The following CSMD1 variants were observed in gnomAD, a reference collection of about 807,000 sequenced individuals.
CSMD1 encodes CUB and Sushi multiple domains 1, also known as CUB and sushi domain-containing protein 1.
In CSMD1, 213 loss-of-function variants were observed where a neutral mutation model predicts 417.5. The observed-to-expected ratio is 0.51, with a 90% CI of 0.46 to 0.57. CSMD1 has a LOEUF of 0.57. Among genes scored for constraint, CSMD1 ranks in the 20% least tolerant of loss-of-function variants. The pLI is 0.00. For missense variants in CSMD1, 6,923 were observed against 4,529.7 expected, an observed-to-expected ratio of 1.53 and a Z score of -15.17; for synonymous variants, 2,862 against 1,736.8, an observed-to-expected ratio of 1.65 and a Z score of -16.11.
intron 3 of CSMD1, among the ~76,000 whole-genome samples, chr8:4,349,275 CA>C (rs1234247588): frequency 2.6e-5 from 4 of 152,128 alleles, no homozygotes; most frequent in African/African-American, 9.7e-5. Context: ...TTTTCAAAAA[CA>C]ATTTTTGCAG....
At chr8:4,392,704 T>A (rs992696253) in intron 3 of CSMD1, among the ~76,000 whole-genome samples, 2 of 151,834 alleles carry the variant, frequency 1.3e-5, no homozygotes, top group Admixed American at 6.6e-5. Context: ...GCACAGTGGC[T>A]GACACCTGTA....
intron 6 of CSMD1, among the ~76,000 whole-genome samples, chr8:3,719,858 G>A (rs566433735): frequency 2.8e-4 from 43 of 152,272 alleles, no homozygotes; most frequent in Non-Finnish European, 2.9e-5. Context: ...TTAGTTGTAA[G>A]AAAGACTTAA....
intron 11 of CSMD1, among the ~76,000 whole-genome samples, chr8:3,492,069 G>C (rs1369314566): frequency 6.6e-6 from 1 of 152,216 alleles, no homozygotes; most frequent in Non-Finnish European, 1.5e-5. Flanking sequence ...GAACTTGTGA[G>C]TCATTCAACA....
At chr8:4,759,127 G>A (rs1223983421) in intron 1 of CSMD1, among the ~76,000 whole-genome samples, 2 of 152,282 alleles carry the variant, frequency 1.3e-5, no homozygotes, top group East Asian at 3.9e-4. Flanking sequence ...TGAGGGAGAA[G>A]GTGAACTTTG....
At chr8:3,969,201 G>C (rs906212672) in intron 5 of CSMD1, among the ~76,000 whole-genome samples, 3 of 152,156 alleles carry the variant, frequency 2.0e-5, no homozygotes, top group South Asian at 2.1e-4. Context: ...AGTGAGCCTA[G>C]ATCGTGACAC....
At chr8:4,054,357 G>A (rs1265502529) in intron 3 of CSMD1, among the ~76,000 whole-genome samples, 1 of 152,114 alleles carries the variant, frequency 6.6e-6, no homozygotes, top group Non-Finnish European at 1.5e-5. Flanking sequence ...ATCTATCTCT[G>A]TTGCCTTCAT....
chr8:3,688,570 G>A (rs1289590633), intron 7 of CSMD1, among the ~76,000 whole-genome samples: 1 of 152,216 alleles, frequency 6.6e-6, no homozygotes, highest in East Asian at 1.9e-4. Flanking sequence ...ATAAATGTTA[G>A]CAATGCTCAT....
intron 3 of CSMD1, among the ~76,000 whole-genome samples, chr8:4,201,831 T>C (rs1255884378): frequency 6.9e-6 from 1 of 144,040 alleles, no homozygotes; most frequent in Non-Finnish European, 1.5e-5. Flanking sequence ...GTGCTCCTTA[T>C]AGAAGGATCT....
chr8:3,883,434 T>G (rs771833195), intron 5 of CSMD1, among the ~76,000 whole-genome samples: 1 of 152,122 alleles, frequency 6.6e-6, no homozygotes, highest in African/African-American at 2.4e-5. Flanking sequence ...GTGTGTATGT[T>G]TGTGTATATA....
chr8:4,367,967 G>A (rs1478332625), intron 3 of CSMD1, among the ~76,000 whole-genome samples: 1 of 152,056 alleles, frequency 6.6e-6, no homozygotes, highest in African/African-American at 2.4e-5. Flanking sequence ...TTTATGGGGT[G>A]TTCTAGGTAT....
At chr8:3,966,047 T>A (rs1411870122) in intron 5 of CSMD1, among the ~76,000 whole-genome samples, 2 of 152,214 alleles carry the variant, frequency 1.3e-5, no homozygotes, top group Admixed American at 1.3e-4. Flanking sequence ...GGTGAGAGAA[T>A]GAATGACTCT....
chr8:3,972,060 AG>A (rs1174220036), intron 5 of CSMD1, among the ~76,000 whole-genome samples: 1 of 152,022 alleles, frequency 6.6e-6, no homozygotes, highest in African/African-American at 2.4e-5. Flanking sequence ...TCATAGAGAC[AG>A]GGGCTCTGTA....
At chr8:4,898,579 A>G (rs1378999225) in intron 1 of CSMD1, among the ~76,000 whole-genome samples, 3 of 152,220 alleles carry the variant, frequency 2.0e-5, no homozygotes, top group Admixed American at 2.0e-4. Flanking sequence ...CTCACAAATC[A>G]TATCCTAGTT....
At chr8:3,695,072 G>T (rs1031285288) in intron 7 of CSMD1, among the ~76,000 whole-genome samples, 2 of 141,548 alleles carry the variant, frequency 1.4e-5, no homozygotes, top group African/African-American at 5.1e-5. Flanking sequence ...CATCACAAAA[G>T]AATTGGAGGC....
intron 5 of CSMD1, among the ~76,000 whole-genome samples, chr8:3,916,814 A>C (rs1808861634): frequency 1.3e-5 from 2 of 152,122 alleles, no homozygotes; most frequent in South Asian, 2.1e-4. Context: ...AAGATGGATT[A>C]TGGGGGGTGG....
intron 1 of CSMD1, among the ~76,000 whole-genome samples, chr8:4,722,725 G>A (rs866672854): frequency 6.6e-6 from 1 of 152,036 alleles, no homozygotes; most frequent in African/African-American, 2.4e-5. Flanking sequence ...GATTTTTACG[G>A]AAAGAAAAAT....
chr8:3,204,052 A>C (rs1009911063), intron 31 of CSMD1, among the ~76,000 whole-genome samples: 1 of 152,224 alleles, frequency 6.6e-6, no homozygotes, highest in African/African-American at 2.4e-5. Context: ...TTATCAGGAA[A>C]GAGTAACGAA....
At chr8:4,303,887 C>A (rs534210271) in intron 3 of CSMD1, among the ~76,000 whole-genome samples, 1 of 152,022 alleles carries the variant, frequency 6.6e-6, no homozygotes, top group African/African-American at 2.4e-5. Flanking sequence ...GAACTCCTGA[C>A]CTTGTGATCT....
chr8:3,366,381 C>G (rs984334578), intron 20 of CSMD1, among the ~76,000 whole-genome samples: 32 of 142,734 alleles, frequency 2.2e-4, no homozygotes, highest in Non-Finnish European at 4.2e-4. Context: ...TTTTTCTTAT[C>G]TGTAGAAAAA....
Sources: allele counts gnomAD v4.1 joint callset (sites outside exome capture counted in the v4.1 genomes callset), GRCh38; gene constraint gnomAD v4.1.1; transcripts MANE v1.5; gene names NCBI Gene and HGNC (gene_info 2026-07-23, HGNC 2026-07-21).